The following SCUBE2 variants were observed in gnomAD, a reference collection of about 807,000 sequenced individuals.
SCUBE2 encodes signal peptide, CUB domain and EGF like domain containing 2, also known as signal peptide, CUB and EGF-like domain-containing protein 2.
A neutral mutation model predicts 125.9 loss-of-function variants in SCUBE2; 114 were observed. The observed-to-expected ratio is 0.91, with a 90% confidence interval of 0.78 to 1.06. The LOEUF (loss-of-function observed/expected upper bound fraction) is 1.06. Among genes scored for constraint, SCUBE2 ranks in the 50% least tolerant of loss-of-function variants. The probability of loss-of-function intolerance (pLI) is 0.00; values close to 1 mark genes in which losing one functional copy is unlikely to be tolerated. For missense variants in SCUBE2, 1,255 were observed against 1,301.8 expected, an observed-to-expected ratio of 0.96 and a Z score of 0.55; for synonymous variants, 459 against 492.9, an observed-to-expected ratio of 0.93 and a Z score of 0.91.
chr11:9,021,341 CT>C, intron 22 of SCUBE2, 144 bp from the exon 23 acceptor site: 1 of 554,072 alleles, frequency 1.8e-6, no homozygotes, highest in Non-Finnish European at 2.8e-6. Context: ...TGATTTTTAT[CT>C]TCTTTCCAGT....
intron 21 of SCUBE2, 48 bp from the exon 22 acceptor site, chr11:9,022,003 C>G: frequency 7.3e-7 from 1 of 1,366,608 alleles, no homozygotes; most frequent in Non-Finnish European, 1.0e-6. Flanking sequence ...TTAGTTGCTT[C>G]CAAACTCACT....
chr11:9,027,502 G>C lies in SCUBE2; in HGVS notation c.2563C>G (p.Pro855Ala), dbSNP rs1330131723. 2 of 1,614,030 alleles carry C rather than the reference G, an allele frequency of 1.2e-6. No individual in the cohort carries two copies. The highest frequency in any genetic ancestry group is 1.7e-6 in the Non-Finnish European group (2 of 1,180,010). ...FTGYIESPNY[P>A]GNYPANTECT... ...TCGGTGTTGGCTGGGTAATTGCCTG[G>C]GTAGTTTGGGGATTCAATGTACCCA... The change falls in exon 20 of 23, where the codon CCA becomes GCA. Residue 855 changes from proline to alanine, a missense_variant. Transcript: ENST00000649792.
chr11:9,030,808 A>G lies in SCUBE2; in HGVS notation c.2291T>C (p.Leu764Pro). The G allele has an allele frequency of 6.2e-7, 1 of 1,614,200 alleles. No homozygotes were observed. Among genetic ancestry groups the G allele is most frequent in the African/African-American group, 1.3e-5 (1 of 75,066 alleles). The change falls in exon 18 of 23, where the codon CTT becomes CCT. Residue 764 changes from leucine to proline, a missense_variant. Transcript: ENST00000649792. ...RTSCFPCGGG[L>P]ATKHQGATSF... is the part of the protein sequence containing the mutation. Reference sequence around the variant, plus strand: ...AGTAGCTCCCTGATGTTTGGTGGCAAGGCCTCCTCCACAGGGGAAGCAGGA... The same window carrying G: ...AGTAGCTCCCTGATGTTTGGTGGCAGGGCCTCCTCCACAGGGGAAGCAGGA...
At position 9,027,368 on chromosome 11, in the gene SCUBE2, T is replaced by A; in HGVS notation, c.2697A>T (p.Lys899Asn). Residue 899 changes from lysine to asparagine, a missense_variant, in exon 20 of 23, where the codon AAA becomes AAT. This residue lies in a region of SCUBE2 where 515 missense variants were observed against 515.7 expected (regional missense o/e 1.00). Transcript: ENST00000649792. Reference sequence around the variant, plus strand: ...GAGGGAGGGAGTGAGACGCACAGGTTTTCCGCATCACCAGATAGTCCCCAC... The same window carrying A: ...GAGGGAGGGAGTGAGACGCACAGGTATTCCGCATCACCAGATAGTCCCCAC... ...DDCGDYLVMRKTSSSNSVTTY... is the reference protein window; with the variant it reads ...DDCGDYLVMRNTSSSNSVTTY... 6.2e-7 allele frequency: 1 copy of A among 1,613,828 alleles called. No homozygotes were observed. The highest frequency in any genetic ancestry group is 8.5e-7 in the Non-Finnish European group (1 of 1,179,940).
chr11:9,089,783 G>C lies in SCUBE2; in HGVS notation c.180C>G (p.Ala60=). The change falls in exon 2 of 23, where the codon GCC becomes GCG. Residue 60 remains alanine (A), a synonymous_variant. Coordinates refer to ENST00000649792, the MANE Select transcript of SCUBE2 (RefSeq NM_001367977.2). ...AQGLDDCHAD[A]LCQNTPTSYK... is the part of the protein sequence containing the mutation. ...AGGAGGTGGGTGTGTTCTGACACAG[G>C]GCGTCGGCATGGCAGTCATCTAGCC... is the stretch of plus-strand genomic sequence containing the variant. 4 of 1,613,956 alleles carry C rather than the reference G, an allele frequency of 2.5e-6. No homozygotes were observed. Among genetic ancestry groups the C allele is most frequent in the Non-Finnish European group, 3.4e-6 (4 of 1,179,930 alleles).
At chr11:9,029,541 A>G (rs747088462) in intron 19 of SCUBE2, among the ~76,000 whole-genome samples, 17 of 152,324 alleles carry the variant, frequency 1.1e-4, no homozygotes, top group Admixed American at 1.0e-3. Flanking sequence ...CATTCTGCCT[A>G]ATATCAACCA....
intron 16 of SCUBE2, among the ~76,000 whole-genome samples, chr11:9,043,971 T>C (rs527506871): frequency 3.9e-4 from 60 of 152,346 alleles, no homozygotes; most frequent in Admixed American, 1.2e-3. Flanking sequence ...AATATGCAAG[T>C]TCTTTGAGTC....
chr11:9,047,831 G>A (rs1351495860), intron 15 of SCUBE2, 112 bp downstream of exon 15: 1 of 1,285,808 alleles, frequency 7.8e-7, no homozygotes, highest in Non-Finnish European at 1.1e-6. Context: ...AAAAACAGGA[G>A]ATACTTCAGT....
chr11:9,050,510 G>A (rs1792515581), intron 14 of SCUBE2, 96 bp downstream of exon 14: 3 of 897,948 alleles, frequency 3.3e-6, no homozygotes, highest in Non-Finnish European at 3.7e-6. Context: ...GGATCGGCTG[G>A]ACAGCCCCTG....
chr11:9,065,459 C>T (rs553626751), intron 7 of SCUBE2, among the ~76,000 whole-genome samples: 4 of 152,268 alleles, frequency 2.6e-5, no homozygotes, highest in Admixed American at 2.6e-4. Flanking sequence ...CTGAGGCCTC[C>T]CCAGCCATGT....
At chr11:9,048,893 A>T (rs1267425761) in intron 14 of SCUBE2, among the ~76,000 whole-genome samples, 2 of 152,228 alleles carry the variant, frequency 1.3e-5, no homozygotes, top group African/African-American at 4.8e-5. Flanking sequence ...TTACAAGGAC[A>T]TTCAAGCCAT....
intron 7 of SCUBE2, among the ~76,000 whole-genome samples, chr11:9,063,631 A>G (rs1396881605): frequency 6.6e-6 from 1 of 152,192 alleles, no homozygotes; most frequent in Non-Finnish European, 1.5e-5. Flanking sequence ...CAGGCATGCA[A>G]ATTTTTAAAT....
Position 9,057,042 on chromosome 11 carries a change from C to T in SCUBE2, c.1091-1133G>A, listed in dbSNP as rs74350783. Among the ~76,000 whole-genome samples, 616 of 152,270 alleles carry T rather than the reference C, an allele frequency of 4.0e-3. 3 individuals are homozygous for T. The highest frequency in any genetic ancestry group is 0.014 in the African/African-American group (564 of 41,546). On this transcript the variant is annotated intron_variant, in intron 9 of 22. Transcript: ENST00000649792. ...GTGCAAGTATTTGTTCTACCAAGAC[C>T]GATCAGTGAAAAATGAGAAAAACCT...
chr11:9,033,756 T>A lies in SCUBE2; in HGVS notation c.2043A>T (p.Glu681Asp), dbSNP rs1856519308. The change falls in exon 17 of 23, where the codon GAA becomes GAT. Residue 681 changes from glutamate (E) to aspartate (D), a missense_variant. By Grantham distance (45) the Glu-to-Asp change is conservative. Coordinates refer to ENST00000649792, the MANE Select transcript of SCUBE2 (RefSeq NM_001367977.2). ...RAGTYYDGAR[E>D]RCILCPNGTF... ...TTCCATTTGGACATAAAATGCAGCG[T>A]TCTCGTGCTCCATCATAATAGGTCC... 13 of 1,614,160 alleles carry A rather than the reference T, an allele frequency of 8.1e-6. No individual in the cohort carries two copies. Among genetic ancestry groups the A allele is most frequent in the Non-Finnish European group, 1.1e-5 (13 of 1,180,028 alleles).
At chr11:9,022,638 C>T (rs1370318086) in intron 21 of SCUBE2, 1 of 152,464 alleles carries the variant, frequency 6.6e-6, no homozygotes, top group African/African-American at 2.4e-5. Flanking sequence ...CCTGGCTGGT[C>T]ACTCCTCCTC....
chr11:9,027,973 A>C (rs1050187694), intron 19 of SCUBE2, among the ~76,000 whole-genome samples: 2 of 152,118 alleles, frequency 1.3e-5, no homozygotes, highest in African/African-American at 4.8e-5. Flanking sequence ...TTTTTCAGAG[A>C]ACTTTGATGA....
At chr11:9,031,387 C>T (rs1331489647) in intron 17 of SCUBE2, 2 of 152,430 alleles carry the variant, frequency 1.3e-5, no homozygotes, top group African/African-American at 4.8e-5. Flanking sequence ...AATCTCAACA[C>T]TCTGGGAGGC....
At chr11:9,086,454 T>A (rs547758585) in intron 2 of SCUBE2, among the ~76,000 whole-genome samples, 1 of 152,362 alleles carries the variant, frequency 6.6e-6, no homozygotes, top group African/African-American at 2.4e-5. Flanking sequence ...GTTACATCTT[T>A]GTATATCTAC....
chr11:9,053,638 C>A lies in SCUBE2; in HGVS notation c.1329G>T (p.Val443=), dbSNP rs533595339. 3 of 1,613,976 alleles carry A rather than the reference C, an allele frequency of 1.9e-6. No homozygotes were observed. In the African/African-American group the frequency reaches 4.0e-5, roughly 22 times the overall value. Residue 443 remains valine (V), a splice_region_variant and synonymous_variant, in exon 11 of 23, where the codon GTG becomes GTT. Coordinates refer to ENST00000649792, the MANE Select transcript of SCUBE2 (RefSeq NM_001367977.2). Reference sequence around the variant, plus strand: ...AGTCTGTGCCTCGGTTCCCCTTACCCACACAGTCTTTTTTATTCCAGTGGA... The same window carrying A: ...AGTCTGTGCCTCGGTTCCCCTTACCAACACAGTCTTTTTTATTCCAGTGGA... ...YKLHWNKKDC[V]EVKGLLPTSV...
Sources: allele counts gnomAD v4.1 joint callset (sites outside exome capture counted in the v4.1 genomes callset), GRCh38; gene constraint gnomAD v4.1.1; regional missense constraint gnomAD v4.1.1; transcripts MANE v1.5; gene names NCBI Gene and HGNC (gene_info 2026-07-23, HGNC 2026-07-21).